ANK2: variants seen among roughly 807,000 people sequenced by gnomAD.
ANK2 encodes ankyrin-2.
A neutral mutation model predicts 360.5 loss-of-function variants in ANK2; 83 were observed. The observed-to-expected ratio is 0.23, with a 90% confidence interval of 0.19 to 0.28. The LOEUF (loss-of-function observed/expected upper bound fraction) is 0.28. ANK2 is among the 10% of genes least tolerant of loss of function. The probability of loss-of-function intolerance (pLI) is 1.00; values close to 1 mark genes in which losing one functional copy is unlikely to be tolerated. For missense variants in ANK2, 4,201 were observed against 4,795.7 expected (o/e 0.88, Z 3.66); for synonymous variants, 1,740 against 1,759.5 (o/e 0.99, Z 0.28).
intron 1 of ANK2, among the ~76,000 whole-genome samples, chr4:112,855,990 C>T (rs138906421): frequency 7.9e-5 from 12 of 152,216 alleles, no homozygotes; most frequent in East Asian, 7.7e-4. Flanking sequence ...TGTGGGTGCC[C>T]GCCCAGGAGG....
At chr4:112,930,941 C>G (rs1052546205) in intron 2 of ANK2, among the ~76,000 whole-genome samples, 3 of 150,322 alleles carry the variant, frequency 2.0e-5, no homozygotes, top group Non-Finnish European at 3.0e-5. Flanking sequence ...AGACAAATAA[C>G]AAGCAGAGCC....
intron 2 of ANK2, among the ~76,000 whole-genome samples, chr4:113,186,104 T>C (rs1256923571): frequency 6.6e-6 from 1 of 152,166 alleles, no homozygotes; most frequent in African/African-American, 2.4e-5. Flanking sequence ...GCCTCTTGAC[T>C]GGGAGACACC....
rs2095941099 is a variant in ANK2, at chr4:113,358,295, C to A, written c.9677C>A (p.Pro3226His). The A allele has an allele frequency of 1.2e-6, 2 of 1,613,372 alleles. No homozygotes were observed. The highest frequency in any genetic ancestry group is 1.3e-5 in the African/African-American group (1 of 74,868). The change falls in exon 38 of 46, where the codon CCC becomes CAC. Residue 3226 changes from proline (P) to histidine (H), a missense_variant. Around this residue, in one of 4 missense-constraint regions of ANK2, gnomAD observed 2,642 missense variants for 2,714.5 expected, o/e 0.97. Coordinates refer to ENST00000357077, the MANE Select transcript of ANK2 (RefSeq NM_001148.6). ...EAVSVGTKDLPTVQTGDIPPL... is the reference protein window; with the variant it reads ...EAVSVGTKDLHTVQTGDIPPL... Reference sequence around the variant, plus strand: ...GTTAGTGTAGGGACCAAGGACCTCCCCACCGTGCAAACGGGTGATATACCT... The same window carrying A: ...GTTAGTGTAGGGACCAAGGACCTCCACACCGTGCAAACGGGTGATATACCT...
At chr4:112,931,656 G>A (rs1039352576) in intron 2 of ANK2, among the ~76,000 whole-genome samples, 4 of 151,464 alleles carry the variant, frequency 2.6e-5, no homozygotes, top group East Asian at 1.9e-4. Flanking sequence ...CCAGGCTGGC[G>A]TTTCAAAGAT....
At chr4:113,218,611 G>T (rs2099114543) in intron 4 of ANK2, among the ~76,000 whole-genome samples, 1 of 152,148 alleles carries the variant, frequency 6.6e-6, no homozygotes, top group South Asian at 2.1e-4. Flanking sequence ...CAGTTGACAG[G>T]AGTATAGGAA....
intron 1 of ANK2, among the ~76,000 whole-genome samples, chr4:113,067,128 A>T (rs644059): frequency 0.86 from 130,212 of 151,904 alleles, 56,113 homozygotes; most frequent in African/African-American, 0.93. Flanking sequence ...AAGTGGGAAA[A>T]CATGGCGAGA....
In ANK2 at chr4:113,108,313, T is replaced by C. The variant is rs2093895284; in HGVS notation, c.84+58501T>C. 2.0e-5 allele frequency among the ~76,000 whole-genome samples: 3 copies of C among 152,320 alleles called. No individual in the cohort carries two copies. The South Asian group carries it at 6.2e-4, about 32-fold the overall frequency. ...TGTTTCAGACATACCCATAATTCAA[T>C]AGCAATATTGTAGAAATTCCTTTTT... On this transcript the variant is annotated intron_variant, in intron 1 of 45. Coordinates refer to ENST00000357077, the MANE Select transcript of ANK2 (RefSeq NM_001148.6).
Position 113,132,474 on chromosome 4 carries a change from A to G in ANK2, c.85-41942A>G, listed in dbSNP as rs2096108332. Reference sequence around the variant, plus strand: ...AATAAGTATGTGAAATTGATAGGAAATTTTTTAGATTAAAAAGTACTGAAA... The same window carrying G: ...AATAAGTATGTGAAATTGATAGGAAGTTTTTTAGATTAAAAAGTACTGAAA... On this transcript the variant is annotated intron_variant, in intron 1 of 45. Transcript: ENST00000357077. Among the ~76,000 whole-genome samples the G allele has an allele frequency of 2.0e-5, 3 of 152,170 alleles. No individual in the cohort carries two copies. In the South Asian group the frequency reaches 6.2e-4, roughly 31 times the overall value.
intron 2 of ANK2, among the ~76,000 whole-genome samples, chr4:112,987,598 AG>A (rs1029959098): frequency 2.0e-4 from 30 of 152,142 alleles, no homozygotes; most frequent in Admixed American, 6.6e-5. Flanking sequence ...ATACCCATGA[AG>A]GTCATACCCA....
intron 1 of ANK2, among the ~76,000 whole-genome samples, chr4:113,066,975 T>C (rs1414161622): frequency 1.3e-5 from 2 of 151,992 alleles, no homozygotes; most frequent in African/African-American, 4.8e-5. Flanking sequence ...GAGTGTTTTG[T>C]TGCTAGTTTG....
At chr4:112,739,219 A>G in the ANK2 span, 6 of 280,044 alleles carry the variant, frequency 2.1e-5, no homozygotes, top group South Asian at 1.1e-4. Context: ...GGAGAGAAGC[A>G]GAGTTAAAAT....
At chr4:112,729,482 A>C in the ANK2 span, among the ~76,000 whole-genome samples, 1 of 152,150 alleles carries the variant, frequency 6.6e-6, no homozygotes, top group East Asian at 1.9e-4. Flanking sequence ...TGGGCCGGAC[A>C]CGATAGCTAA....
intron 43 of ANK2, among the ~76,000 whole-genome samples, chr4:113,370,692 G>A (rs761176149): frequency 2.6e-5 from 4 of 152,256 alleles, no homozygotes; most frequent in Admixed American, 6.5e-5. Flanking sequence ...CCCGGGAAGC[G>A]GAGCTTGCAG....
chr4:113,129,372 G>A (rs981035933), intron 1 of ANK2, among the ~76,000 whole-genome samples: 4 of 152,240 alleles, frequency 2.6e-5, no homozygotes, highest in African/African-American at 9.6e-5. Context: ...AGTCATCATA[G>A]AGGGAAAAAG....
At chr4:113,252,943 A>G (rs1329702653) in intron 10 of ANK2, among the ~76,000 whole-genome samples, 2 of 151,858 alleles carry the variant, frequency 1.3e-5, no homozygotes, top group Non-Finnish European at 2.9e-5. Context: ...AAGTCTATTC[A>G]CTCTCGATCC....
At chr4:113,351,612 T>A (rs1393807494) in intron 37 of ANK2, among the ~76,000 whole-genome samples, 3 of 152,162 alleles carry the variant, frequency 2.0e-5, no homozygotes, top group Non-Finnish European at 4.4e-5. Context: ...ATTCTCCCAC[T>A]TTCTTCTTCA....
At chr4:113,213,120 T>C (rs1440936678) in intron 4 of ANK2, among the ~76,000 whole-genome samples, 1 of 152,188 alleles carries the variant, frequency 6.6e-6, no homozygotes, top group African/African-American at 2.4e-5. Context: ...ATGGTGAAAA[T>C]AGAAGTCCAA....
chr4:112,763,524 G>A, the ANK2 span, among the ~76,000 whole-genome samples: 1 of 135,268 alleles, frequency 7.4e-6, no homozygotes, highest in Non-Finnish European at 1.6e-5. Context: ...GAGCCACAGC[G>A]CCTGGCCTTT....
intron 35 of ANK2, among the ~76,000 whole-genome samples, chr4:113,347,564 G>C (rs899925213): frequency 2.0e-5 from 3 of 152,082 alleles, no homozygotes; most frequent in Non-Finnish European, 4.4e-5. Context: ...TCTAAGTCAA[G>C]ACATATCAGA....
Sources: gnomAD v4.1 joint callset for allele counts (sites outside exome capture counted in the v4.1 genomes callset) on GRCh38, gnomAD v4.1.1 for gene constraint, gnomAD v4.1.1 regional missense constraint, MANE v1.5 for transcripts, NCBI Gene and HGNC (gene_info 2026-07-23, HGNC 2026-07-21) for gene names.